Variants in FCMR observed in about 807,000 individuals in gnomAD.
FCMR encodes Fc mu receptor, also known as immunoglobulin mu Fc receptor.
Under a neutral mutation model 41.6 loss-of-function variants are expected in FCMR, and 34 were observed. The observed-to-expected ratio is 0.82, with a 90% CI of 0.62 to 1.09. FCMR has a LOEUF of 1.09. Ranked by LOEUF, FCMR falls within the 50% of genes least tolerant of loss-of-function variation. The pLI is 0.00. For synonymous variants in FCMR, 209 were observed against 211.8 expected, an observed-to-expected ratio of 0.99 and a Z score of 0.12; for missense variants, 496 against 512.5, an observed-to-expected ratio of 0.97 and a Z score of 0.31.
rs773792868 is a variant in FCMR, at chr1:206,909,736, G to C, written c.974C>G (p.Ala325Gly). ...GCCCGGCGGCTCACCTGCAGCGTCC[G>C]CTCCACGAGCGCGCCGCGGGCAGGC... ...YSACPRRARG[A>G]DAAGTGEAPV... The change falls in exon 6 of 8, where the codon GCG becomes GGG. Residue 325 changes from alanine (A) to glycine (G), a missense_variant. Physicochemically the swap from Ala to Gly is moderately conservative, Grantham distance 60. Transcript: ENST00000367091. The surrounding 1 kb of genome is among the most constrained non-coding windows in gnomAD (Gnocchi z 5.0). 6.2e-6 allele frequency: 9 copies of C among 1,454,100 alleles called. No homozygotes were observed. The highest frequency in any genetic ancestry group is 5.7e-5 in the Admixed American group (2 of 35,130). 90.1% of individuals were successfully genotyped at this position (1,454,100 alleles called of 1,614,324 possible). A position where few individuals can be genotyped will look rare whatever the true frequency, so the allele number is the denominator to read the frequency against.
upstream of FCMR, among the ~76,000 whole-genome samples, chr1:206,922,306 A>G (rs1278065448): frequency 6.6e-6 from 1 of 152,196 alleles, no homozygotes; most frequent in African/African-American, 2.4e-5. Context: ...CTGCCTGAGA[A>G]AGGCTGTATG....
Position 206,911,882 on chromosome 1 carries a change from G to A in FCMR, c.558C>T (p.His186=). The stretch of plus-strand genomic sequence containing the variant: ...AAGATGCTCTGGACACTCGAGGGCG[G>A]TGGGTGATTTGGGTGGTGGGGGAGG... ...HHSSPTTQIT[H]RPRVSRASSV... is the part of the protein sequence containing the mutation. Residue 186 remains histidine, a synonymous_variant, in exon 4 of 8, where the codon CAC becomes CAT. Transcript: ENST00000367091. The A allele has an allele frequency of 6.2e-7, 1 of 1,606,868 alleles. No homozygotes were observed. Among genetic ancestry groups the A allele is most frequent in the Non-Finnish European group, 8.5e-7 (1 of 1,177,762 alleles).
At chr1:206,920,593 G>C (rs560977147) in intron 1 of FCMR, among the ~76,000 whole-genome samples, 1 of 152,124 alleles carries the variant, frequency 6.6e-6, no homozygotes, top group Non-Finnish European at 1.5e-5. Flanking sequence ...GGAAAGTGTT[G>C]GGGAGTATGG....
At chr1:206,914,404 TTTCTTTCC>T (rs1167572929) in intron 1 of FCMR, among the ~76,000 whole-genome samples, 4 of 142,636 alleles carry the variant, frequency 2.8e-5, no homozygotes, top group African/African-American at 8.8e-5. Flanking sequence ...TTTCTCTTTC[TTTCTTTCC>T]TTCCTTCCTT....
chr1:206,910,403 T>G (rs1463737785), intron 4 of FCMR, 63 bp from the exon 5 acceptor site: 3 of 1,366,536 alleles, frequency 2.2e-6, no homozygotes, highest in Non-Finnish European at 2.9e-6. Flanking sequence ...GGTTGAGGGC[T>G]TGCTCCTGTG....
At chr1:206,911,376 A>G (rs1572622952) in intron 4 of FCMR, among the ~76,000 whole-genome samples, 1 of 152,272 alleles carries the variant, frequency 6.6e-6, no homozygotes, top group South Asian at 2.1e-4. Flanking sequence ...ATTTCCTAGT[A>G]GCCACATTAA....
Position 206,904,990 on chromosome 1 carries a change from C to T in FCMR, c.*29G>A, listed in dbSNP as rs1315140401. The T allele has an allele frequency of 6.2e-7, 1 of 1,611,948 alleles. No individual in the cohort carries two copies. The highest frequency in any genetic ancestry group is 1.3e-5 in the African/African-American group (1 of 74,836). ...AGACTCCTTGGCACCACAGTCCGAG[C>T]CTGGGGTTGGGGGATAGCTGGGGAG... On this transcript the variant is annotated 3_prime_UTR_variant, in exon 8 of 8. Coordinates refer to ENST00000367091, the MANE Select transcript of FCMR (RefSeq NM_005449.5).
chr1:206,904,390 T>G lies in FCMR; in HGVS notation c.*629A>C, dbSNP rs1678530546. 1 of 152,496 alleles carries G rather than the reference T, an allele frequency of 6.6e-6. No homozygotes were observed. Among genetic ancestry groups the G allele is most frequent in the African/African-American group, 2.4e-5 (1 of 41,296 alleles). The allele number at this position is 152,496 out of a possible 1,614,324, so 9.4% of individuals were successfully genotyped here. ...ACAGAGTAAAGAGAATTTATGGATA[T>G]ATATGCATATCTTGCTAATAAGTTT... On this transcript the variant is annotated 3_prime_UTR_variant, in exon 8 of 8. Transcript: ENST00000367091.
intron 1 of FCMR, 106 bp downstream of exon 1, chr1:206,921,712 T>C (rs1294023566): frequency 1.8e-6 from 2 of 1,119,462 alleles, no homozygotes; most frequent in African/African-American, 3.1e-5. Flanking sequence ...GGTTCACAAC[T>C]GAATCCATCC....
chr1:206,906,199 C>A, intron 7 of FCMR: 1 of 493,340 alleles, frequency 2.0e-6, no homozygotes, highest in Non-Finnish European at 4.1e-6. Context: ...AATTAACCAG[C>A]ACATAACAAT....
At chr1:206,917,719 T>A (rs905089526) in intron 1 of FCMR, 57 of 431,782 alleles carry the variant, frequency 1.3e-4, no homozygotes, top group Non-Finnish European at 2.4e-4. Flanking sequence ...CTCCACTTCC[T>A]GGGCTCAATT....
chr1:206,917,334 C>T (rs570838264), intron 1 of FCMR, among the ~76,000 whole-genome samples: 5 of 152,210 alleles, frequency 3.3e-5, no homozygotes, highest in Non-Finnish European at 7.4e-5. Context: ...TTATGTTTAT[C>T]AAACGGGGCA....
At chr1:206,906,713 T>G (rs1453288788) in intron 7 of FCMR, among the ~76,000 whole-genome samples, 1 of 152,062 alleles carries the variant, frequency 6.6e-6, no homozygotes, top group Non-Finnish European at 1.5e-5. Context: ...AATGAGAGTT[T>G]CAAGTAGAGA....
At chr1:206,913,134 A>G in intron 2 of FCMR, 92 bp from the exon 3 acceptor site, 1 of 963,976 alleles carries the variant, frequency 1.0e-6, no homozygotes, top group Non-Finnish European at 1.7e-6. Flanking sequence ...AGTGGATGAC[A>G]GTGAGGGGAT....
In FCMR at chr1:206,910,285, T is replaced by C; in HGVS notation, c.766A>G (p.Ile256Val). 6.3e-7 allele frequency: 1 copy of C among 1,577,880 alleles called. No individual in the cohort carries two copies. Among genetic ancestry groups the C allele is most frequent in the Non-Finnish European group, 8.6e-7 (1 of 1,161,664 alleles). Residue 256 changes from isoleucine (I) to valine (V), a missense_variant, in exon 5 of 8, where the codon ATC becomes GTC. Coordinates refer to ENST00000367091, the MANE Select transcript of FCMR (RefSeq NM_005449.5). ...GREGQGFHIL[I>V]PTILGLFLLA... ...AGGAAAAGGCCCAGGATGGTCGGGA[T>C]CAGGATGTGAAATCCTTGGCCTTCC...
intron 1 of FCMR, among the ~76,000 whole-genome samples, chr1:206,919,740 C>G (rs999160072): frequency 6.6e-6 from 1 of 152,156 alleles, no homozygotes; most frequent in Non-Finnish European, 1.5e-5. Flanking sequence ...GGGTACTTCT[C>G]AGGACAGACT....
chr1:206,914,089 C>G lies in FCMR; in HGVS notation c.43G>C (p.Gly15Arg). ...ACTTCTGGGAGGATCCTCAGGGCCCCCGATACTGCAGGGAGAGGAGATTAA... is the reference window on the plus strand; with the variant it reads ...ACTTCTGGGAGGATCCTCAGGGCCCGCGATACTGCAGGGAGAGGAGATTAA... ...LWPLYFLPVS[G>R]ALRILPEVKV... Residue 15 changes from glycine (G) to arginine (R), a missense_variant, in exon 2 of 8, where the codon GGG (glycine) becomes CGG (arginine). Gly to Arg is a moderately radical substitution (Grantham distance 125). Transcript: ENST00000367091. The G allele has an allele frequency of 1.2e-6, 2 of 1,612,664 alleles. No homozygotes were observed. The highest frequency in any genetic ancestry group is 1.7e-6 in the Non-Finnish European group (2 of 1,178,816).
chr1:206,917,452 C>T (rs761048813), intron 1 of FCMR, among the ~76,000 whole-genome samples: 7 of 152,142 alleles, frequency 4.6e-5, no homozygotes, highest in Non-Finnish European at 1.0e-4. Context: ...AATGAAGTGT[C>T]CACCTCCTTT....
At position 206,908,034 on chromosome 1, in the gene FCMR, GC is replaced by G. The variant is rs374509468; in HGVS notation, c.1044+1427del. ...TTACAAGAAAGTTTGCCTATCTGGA[GC>G]GCCTGGCTCACGATGGTGGCTGGAA... On this transcript the variant is annotated intron_variant, in intron 7 of 7. Coordinates refer to ENST00000367091, the MANE Select transcript of FCMR (RefSeq NM_005449.5). 99 of 1,270,338 alleles carry G rather than the reference GC, an allele frequency of 7.8e-5. 1 individual carries two copies. The African/African-American group carries it at 1.2e-3, about 15-fold the overall frequency. 78.7% of individuals were successfully genotyped at this position (1,270,338 alleles called of 1,614,324 possible).
Sources: allele counts gnomAD v4.1 joint callset (sites outside exome capture counted in the v4.1 genomes callset), GRCh38; gene constraint gnomAD v4.1.1; non-coding constraint Gnocchi (gnomAD v3.1); transcripts MANE v1.5; gene names NCBI Gene and HGNC (gene_info 2026-07-23, HGNC 2026-07-21).